The following REC114 variants were observed in gnomAD, a reference collection of about 807,000 sequenced individuals.
REC114 encodes REC114 meiotic recombination protein, also known as meiotic recombination protein REC114.
A neutral mutation model predicts 31.3 loss-of-function variants in REC114; 27 were observed. The observed-to-expected ratio is 0.86, with a 90% confidence interval of 0.64 to 1.19. The LOEUF (loss-of-function observed/expected upper bound fraction) is 1.19. Among genes scored for constraint, REC114 ranks in the 50% most tolerant of loss-of-function variants. The pLI, the probability that REC114 is intolerant of heterozygous loss-of-function variation, is 0.00. For missense variants in REC114, 344 were observed against 326.9 expected (o/e 1.05, Z -0.40); for synonymous variants, 134 against 127.7 (o/e 1.05, Z -0.33).
chr15:73,455,000 A>T (rs376830264), intron 1 of REC114, among the ~76,000 whole-genome samples: 2 of 152,234 alleles, frequency 1.3e-5, no homozygotes, highest in Non-Finnish European at 2.9e-5. Flanking sequence ...AGCTACAGTG[A>T]CAAGAGATGA....
chr15:73,550,207 GTTA>G (rs2141335100), intron 3 of REC114, among the ~76,000 whole-genome samples: 1 of 152,286 alleles, frequency 6.6e-6, no homozygotes, highest in East Asian at 1.9e-4. Flanking sequence ...ATGGTTTTAT[GTTA>G]TTGTTATAAT....
At chr15:73,467,687 A>C (rs994749263) in intron 1 of REC114, among the ~76,000 whole-genome samples, 3 of 152,074 alleles carry the variant, frequency 2.0e-5, no homozygotes, top group African/African-American at 4.8e-5. Context: ...AAAAATTTGG[A>C]ATTTTGATTG....
At chr15:73,477,271 A>G (rs1046875095) in intron 2 of REC114, among the ~76,000 whole-genome samples, 1 of 152,196 alleles carries the variant, frequency 6.6e-6, no homozygotes, top group African/African-American at 2.4e-5. Context: ...TGTTCTTCAA[A>G]TATTTCTACC....
chr15:73,493,203 A>G (rs1893469697), intron 2 of REC114, among the ~76,000 whole-genome samples: 3 of 152,028 alleles, frequency 2.0e-5, no homozygotes, highest in Non-Finnish European at 4.4e-5. Flanking sequence ...AATTTTTAGT[A>G]GAGATGAGAT....
chr15:73,539,360 G>C (rs1045926910), intron 2 of REC114, among the ~76,000 whole-genome samples: 1 of 130,442 alleles, frequency 7.7e-6, no homozygotes, highest in Non-Finnish European at 1.5e-5. Flanking sequence ...GCGCAATCTC[G>C]GCTCACTGCA....
chr15:73,491,554 C>G (rs937401405), intron 2 of REC114, among the ~76,000 whole-genome samples: 1 of 152,090 alleles, frequency 6.6e-6, no homozygotes, highest in Non-Finnish European at 1.5e-5. Flanking sequence ...CAGTAAGTGT[C>G]TTTATAAGAA....
intron 2 of REC114, among the ~76,000 whole-genome samples, chr15:73,533,683 G>A (rs879709888): frequency 0.061 from 8,458 of 138,712 alleles, 128 homozygotes; most frequent in African/African-American, 0.11. Context: ...TGCACCAAGC[G>A]GACCTAATAG....
chr15:73,507,939 T>C (rs1475686241), intron 2 of REC114, among the ~76,000 whole-genome samples: 1 of 152,186 alleles, frequency 6.6e-6, no homozygotes, highest in African/African-American at 2.4e-5. Context: ...GGGTCATGAA[T>C]GGCTTTTATG....
rs184202577 is a variant in REC114 at position 73,451,885 on chromosome 15, C to T, written c.159+8541C>T. On this transcript the variant is annotated intron_variant, in intron 1 of 5. Transcript: ENST00000331090. ...TAAACAGAACCAATGACAAAAACCA[C>T]ATGATTATCTCAATAGATGCAGAAA... 5.9e-5 allele frequency among the ~76,000 whole-genome samples: 9 copies of T among 152,316 alleles called. No homozygotes were observed. The East Asian group carries it at 1.5e-3, about 26-fold the overall frequency.
At chr15:73,475,338 T>C (rs1893196596) in intron 2 of REC114, among the ~76,000 whole-genome samples, 1 of 152,226 alleles carries the variant, frequency 6.6e-6, no homozygotes, top group Admixed American at 6.5e-5. Context: ...ATTTGGTGCA[T>C]GTTGCATATA....
In REC114 at chr15:73,547,344, A is replaced by G. The variant is rs138196579; in HGVS notation, c.334-3594A>G. On this transcript the variant is annotated intron_variant, in intron 3 of 5. Transcript: ENST00000331090. ...AAATGCAAATCACAACTACAATGAG[A>G]TACCATCTCACTCCAGTTAAAATGG... 1.8e-3 allele frequency among the ~76,000 whole-genome samples: 269 copies of G among 152,354 alleles called. 4 individuals carry two copies. The highest frequency in any genetic ancestry group is 1.9e-3 in the Non-Finnish European group (128 of 68,022).
intron 2 of REC114, among the ~76,000 whole-genome samples, chr15:73,520,077 A>G (rs1893914788): frequency 6.6e-6 from 1 of 152,226 alleles, no homozygotes; most frequent in Non-Finnish European, 1.5e-5. Flanking sequence ...CATATATAAT[A>G]TCACTGAACT....
chr15:73,546,629 C>T (rs894672071), intron 3 of REC114, among the ~76,000 whole-genome samples: 11 of 151,738 alleles, frequency 7.2e-5, no homozygotes, highest in African/African-American at 2.2e-4. Flanking sequence ...ATATATTTAT[C>T]AGTGAACTCA....
chr15:73,446,562 C>T (rs1289391067), intron 1 of REC114, among the ~76,000 whole-genome samples: 3 of 151,968 alleles, frequency 2.0e-5, no homozygotes, highest in African/African-American at 7.3e-5. Flanking sequence ...ATCACTTGAA[C>T]CTGGGAGGCT....
intron 1 of REC114, among the ~76,000 whole-genome samples, chr15:73,449,290 G>T (rs945109513): frequency 2.0e-5 from 3 of 152,086 alleles, no homozygotes; most frequent in African/African-American, 7.2e-5. Context: ...AACCTGTTTA[G>T]AAAAGAACAG....
At chr15:73,514,840 T>C (rs560892546) in intron 2 of REC114, among the ~76,000 whole-genome samples, 1 of 151,962 alleles carries the variant, frequency 6.6e-6, no homozygotes, top group South Asian at 2.1e-4. Flanking sequence ...GGTATATTTA[T>C]CTGCTGTAAT....
At chr15:73,555,987 C>T (rs961434932) in intron 4 of REC114, among the ~76,000 whole-genome samples, 2 of 152,160 alleles carry the variant, frequency 1.3e-5, no homozygotes, top group African/African-American at 4.8e-5. Context: ...GCACCTGGTC[C>T]TGAATCCTAG....
rs771849834 is a variant in REC114, at chr15:73,559,913, TTAATGCTCTATA to T, written c.801_*11del. The T allele has an allele frequency of 8.0e-5, 129 of 1,610,486 alleles. 1 individual carries two copies. The highest frequency in any genetic ancestry group is 2.5e-6 in the Non-Finnish European group (3 of 1,178,914). ...TGAAAAAGCTGGCGGGTTTGAGAAA[TTAATGCTCTATA>T]TACATATATAACTAAGGAACTTCAA... On this transcript the variant is annotated stop_lost and 3_prime_UTR_variant, in exon 6 of 6. Transcript: ENST00000331090.
chr15:73,460,855 G>A (rs1250569910), intron 1 of REC114, among the ~76,000 whole-genome samples: 2 of 152,050 alleles, frequency 1.3e-5, no homozygotes, highest in East Asian at 1.9e-4. Flanking sequence ...TTGAGTAAAT[G>A]TAGTCTATTT....
Sources: allele counts gnomAD v4.1 joint callset (sites outside exome capture counted in the v4.1 genomes callset), GRCh38; gene constraint gnomAD v4.1.1; transcripts MANE v1.5; gene names NCBI Gene and HGNC (gene_info 2026-07-23, HGNC 2026-07-21).